The following TRDN variants were observed in gnomAD, a reference collection of about 807,000 sequenced individuals.
TRDN encodes triadin in skeletal muscle.
TRDN carries 161 observed loss-of-function variants against 149.7 expected under a neutral mutation model. That is an observed-to-expected ratio of 1.08 (90% CI 0.95 to 1.23). The LOEUF (loss-of-function observed/expected upper bound fraction) is 1.23, where lower values mean the gene tolerates loss of function less well. Ranked by LOEUF, TRDN falls within the 50% of genes most tolerant of loss-of-function variation. The pLI is 0.00. For synonymous variants in TRDN, 294 were observed against 250.5 expected, an observed-to-expected ratio of 1.17 and a Z score of -1.64; for missense variants, 896 against 823.5, an observed-to-expected ratio of 1.09 and a Z score of -1.08.
intron 19 of TRDN, among the ~76,000 whole-genome samples, chr6:123,374,774 AAAAAAC>A (rs553729312): frequency 6.6e-6 from 1 of 152,064 alleles, no homozygotes; most frequent in Non-Finnish European, 1.5e-5. Flanking sequence ...ACTCCATCAA[AAAAAAC>A]AAAAACAAAA....
At chr6:123,235,770 T>C (rs1409241858) in intron 38 of TRDN, among the ~76,000 whole-genome samples, 1 of 152,182 alleles carries the variant, frequency 6.6e-6, no homozygotes, top group Non-Finnish European at 1.5e-5. Flanking sequence ...TGTAACCCAA[T>C]GGAAGAATCT....
intron 1 of TRDN, among the ~76,000 whole-genome samples, chr6:123,610,563 A>G (rs571777193): frequency 1.0e-3 from 158 of 152,310 alleles, no homozygotes; most frequent in African/African-American, 3.6e-3. Flanking sequence ...TGACAGAGAT[A>G]TCTATTAAAT....
At chr6:123,317,238 T>C (rs960178705) in intron 23 of TRDN, among the ~76,000 whole-genome samples, 18 of 151,972 alleles carry the variant, frequency 1.2e-4, no homozygotes, top group African/African-American at 3.6e-4. Flanking sequence ...TCCTAGGCTT[T>C]ATAATTATCT....
At chr6:123,449,300 C>G (rs957542667) in intron 10 of TRDN, among the ~76,000 whole-genome samples, 7 of 151,884 alleles carry the variant, frequency 4.6e-5, no homozygotes, top group Admixed American at 1.3e-4. Context: ...AGGTGAAGCC[C>G]AGTGCAAGGA....
At chr6:123,538,291 T>C (rs1471712178) in intron 4 of TRDN, among the ~76,000 whole-genome samples, 1 of 152,140 alleles carries the variant, frequency 6.6e-6, no homozygotes, top group Non-Finnish European at 1.5e-5. Flanking sequence ...CCAATTGTTA[T>C]TAGAGCACAA....
rs9320933 is a variant in TRDN at position 123,424,887 on chromosome 6, T to C, written c.1051+13176A>G. ...AACCTGGGTGCCTAAGTGGCTATGA[T>C]GAGTACAGCAGGTTTCCCAACTTGT... On this transcript the variant is annotated intron_variant, in intron 12 of 40. Transcript: ENST00000334268. 6.6e-3 allele frequency among the ~76,000 whole-genome samples: 997 copies of C among 152,202 alleles called. 8 individuals carry two copies. Among genetic ancestry groups the C allele is most frequent in the African/African-American group, 0.023 (946 of 41,538 alleles).
At chr6:123,588,292 G>A (rs1284013679) in intron 1 of TRDN, among the ~76,000 whole-genome samples, 1 of 152,116 alleles carries the variant, frequency 6.6e-6, no homozygotes, top group Non-Finnish European at 1.5e-5. Context: ...TGCTATACTA[G>A]TCAAGTTGGA....
intron 10 of TRDN, among the ~76,000 whole-genome samples, chr6:123,459,749 A>G (rs1164530363): frequency 6.6e-6 from 1 of 152,192 alleles, no homozygotes; most frequent in African/African-American, 2.4e-5. Flanking sequence ...TAACCAAATC[A>G]GATAAGAACT....
rs184576824 is a variant in TRDN, at chr6:123,223,312, G to C, written c.2014+781C>G. Reference sequence around the variant, plus strand: ...ACGGTTGAGAGTGGAAGGAGAAAGAGGATCAGAAAAAATAACTAATGGATG... The same window carrying C: ...ACGGTTGAGAGTGGAAGGAGAAAGACGATCAGAAAAAATAACTAATGGATG... On this transcript the variant is annotated intron_variant, in intron 39 of 40. Transcript: ENST00000334268. Among the ~76,000 whole-genome samples the C allele has an allele frequency of 2.0e-4, 30 of 151,730 alleles. No individual in the cohort carries two copies. The Middle Eastern group carries it at 0.01, about 52-fold the overall frequency.
At chr6:123,477,983 G>A (rs1485283467) in intron 9 of TRDN, among the ~76,000 whole-genome samples, 6 of 151,000 alleles carry the variant, frequency 4.0e-5, no homozygotes, top group South Asian at 4.2e-4. Flanking sequence ...TGGGTGCAGC[G>A]CACCAGCATG....
chr6:123,284,006 A>AT (rs1427267027), intron 24 of TRDN, among the ~76,000 whole-genome samples: 4 of 119,520 alleles, frequency 3.3e-5, no homozygotes, highest in Admixed American at 8.5e-5. Flanking sequence ...ATATATATGT[A>AT]ACAAACCTGC....
At chr6:123,359,365 C>T (rs1313541520) in intron 20 of TRDN, among the ~76,000 whole-genome samples, 1 of 152,084 alleles carries the variant, frequency 6.6e-6, no homozygotes, top group African/African-American at 2.4e-5. Context: ...CTCTATATGC[C>T]ATTTTAACAA....
Position 123,273,381 on chromosome 6 carries a change from CATATT to C in TRDN, c.1598-23_1598-19del, listed in dbSNP as rs1282710403. ...AGATATAGCTAAAATAAATAAATAACATATTAGATTAAATTACCTGCAAAATGGAG... is the reference window on the plus strand; with the variant it reads ...AGATATAGCTAAAATAAATAAATAACAGATTAAATTACCTGCAAAATGGAG... On this transcript the variant is annotated intron_variant, in intron 27 of 40. Transcript: ENST00000334268. 1.4e-5 allele frequency: 13 copies of C among 941,986 alleles called. No homozygotes were observed. Among genetic ancestry groups the C allele is most frequent in the Non-Finnish European group, 1.9e-5 (13 of 693,144 alleles). The allele number at this position is 941,986 out of a possible 1,614,324, so 58.4% of individuals were successfully genotyped here.
At chr6:123,483,397 C>T (rs1159123412) in intron 9 of TRDN, among the ~76,000 whole-genome samples, 3 of 151,930 alleles carry the variant, frequency 2.0e-5, no homozygotes, top group East Asian at 1.9e-4. Context: ...CCACTGCGCC[C>T]GGCCAGTATT....
rs1008365371 is a variant in TRDN, at chr6:123,388,424, C to T, written c.1135+98G>A. 12 of 1,350,726 alleles carry T rather than the reference C, an allele frequency of 8.9e-6. No individual in the cohort carries two copies. The African/African-American group carries it at 1.3e-4, about 15-fold the overall frequency. The allele number at this position is 1,350,726 out of a possible 1,614,324, so 83.7% of individuals were successfully genotyped here. ...GTATGCACATAATAGATCCAGTTATCCAAGGGGAATATAGACAGAATAGCA... is the reference window on the plus strand; with the variant it reads ...GTATGCACATAATAGATCCAGTTATTCAAGGGGAATATAGACAGAATAGCA... On this transcript the variant is annotated intron_variant, in intron 14 of 40. Transcript: ENST00000334268.
intron 33 of TRDN, among the ~76,000 whole-genome samples, chr6:123,263,634 GAAC>G (rs781644395): frequency 2.6e-5 from 4 of 151,850 alleles, no homozygotes; most frequent in African/African-American, 4.8e-5. Flanking sequence ...GTCTTTAAAA[GAAC>G]AACAACAACT....
intron 6 of TRDN, among the ~76,000 whole-genome samples, chr6:123,513,808 A>G (rs1175082732): frequency 6.6e-6 from 1 of 152,136 alleles, no homozygotes; most frequent in African/African-American, 2.4e-5. Flanking sequence ...AAGTGTAAAT[A>G]TACCATAAAA....
At chr6:123,634,813 T>C (rs2114753119) in intron 1 of TRDN, among the ~76,000 whole-genome samples, 1 of 152,068 alleles carries the variant, frequency 6.6e-6, no homozygotes, top group South Asian at 2.1e-4. Context: ...TATGAACTGT[T>C]AAGGCCCGGA....
chr6:123,507,847 T>C (rs530745021), intron 7 of TRDN, among the ~76,000 whole-genome samples: 3 of 152,184 alleles, frequency 2.0e-5, no homozygotes, highest in Admixed American at 6.6e-5. Context: ...ATTCAGAATG[T>C]CTGATGCCAA....
Sources: gnomAD v4.1 joint callset for allele counts (sites outside exome capture counted in the v4.1 genomes callset) on GRCh38, gnomAD v4.1.1 for gene constraint, MANE v1.5 for transcripts, NCBI Gene and HGNC (gene_info 2026-07-23, HGNC 2026-07-21) for gene names.